The following RBPMS variants were observed in gnomAD, a reference collection of about 807,000 sequenced individuals.
The protein encoded by RBPMS is RNA binding protein, mRNA processing factor.
A neutral mutation model predicts 26.8 loss-of-function variants in RBPMS; 7 were observed. The ratio of observed to expected loss-of-function variants is 0.26; its 90% CI spans 0.15 to 0.49. The LOEUF is 0.49. RBPMS is among the 20% of genes least tolerant of loss of function. The pLI, the probability that RBPMS is intolerant of heterozygous loss-of-function variation, is 0.98. For missense variants in RBPMS, 186 were observed against 250.0 expected (o/e 0.74, Z 1.73); for synonymous variants, 96 against 93.3 (o/e 1.03, Z -0.17).
chr8:30,385,563 G>T (rs1035265846), intron 1 of RBPMS, among the ~76,000 whole-genome samples: 1 of 151,972 alleles, frequency 6.6e-6, no homozygotes, highest in Non-Finnish European at 1.5e-5. Context: ...AAACTCGGGG[G>T]AAAGTTCTCG....
At chr8:30,485,135 A>G (rs1243560924) in intron 4 of RBPMS, among the ~76,000 whole-genome samples, 1 of 152,236 alleles carries the variant, frequency 6.6e-6, no homozygotes, top group African/African-American at 2.4e-5. Context: ...CACTGGGTAC[A>G]TAGAAACATT....
chr8:30,504,518 A>G, intron 5 of RBPMS, 82 bp downstream of exon 5: 7 of 1,396,264 alleles, frequency 5.0e-6, no homozygotes, highest in Non-Finnish European at 6.9e-6. Context: ...ACCATGGGAC[A>G]TGGAGCTGGC....
At chr8:30,502,138 G>GC (rs892029139) in intron 4 of RBPMS, among the ~76,000 whole-genome samples, 2 of 61,016 alleles carry the variant, frequency 3.3e-5, no homozygotes, top group African/African-American at 8.0e-5. Context: ...TAACTTCTGA[G>GC]CTTTTTTTTT....
At position 30,450,474 on chromosome 8, in the gene RBPMS, A is replaced by T. The variant is rs530450036; in HGVS notation, c.67-24305A>T. Reference sequence around the variant, plus strand: ...GGACTTTGAGGAGGAGGTGGGAAGGATGTCATGGGAGGTCACTTCAGGTAG... The same window carrying T: ...GGACTTTGAGGAGGAGGTGGGAAGGTTGTCATGGGAGGTCACTTCAGGTAG... On this transcript the variant is annotated intron_variant, in intron 1 of 8. Transcript: ENST00000397323. Among the ~76,000 whole-genome samples the T allele has an allele frequency of 1.2e-4, 19 of 152,234 alleles. 2 individuals are homozygous for T. Among genetic ancestry groups the T allele is most frequent in the African/African-American group, 4.3e-4 (18 of 41,538 alleles).
chr8:30,458,180 CTG>C (rs1252064274), intron 1 of RBPMS, among the ~76,000 whole-genome samples: 1 of 152,148 alleles, frequency 6.6e-6, no homozygotes, highest in Non-Finnish European at 1.5e-5. Context: ...CTAAAAAAGT[CTG>C]TACATGTTCA....
chr8:30,451,765 C>A (rs1418483894), intron 1 of RBPMS, among the ~76,000 whole-genome samples: 6 of 152,140 alleles, frequency 3.9e-5, no homozygotes, highest in Non-Finnish European at 8.8e-5. Context: ...AGACATTTAG[C>A]CCATTTGTTT....
At chr8:30,563,860 G>A (rs533092289) in intron 7 of RBPMS, among the ~76,000 whole-genome samples, 20 of 152,266 alleles carry the variant, frequency 1.3e-4, no homozygotes, top group African/African-American at 4.8e-4. Context: ...ACCTGTCCAT[G>A]TCATGCTATC....
chr8:30,497,638 A>G (rs1820119480), intron 4 of RBPMS, among the ~76,000 whole-genome samples: 1 of 151,782 alleles, frequency 6.6e-6, no homozygotes, highest in African/African-American at 2.4e-5. Flanking sequence ...TTTGTTTGAG[A>G]TGGAGTCTTG....
intron 5 of RBPMS, among the ~76,000 whole-genome samples, chr8:30,509,895 A>G (rs1001596568): frequency 6.6e-6 from 1 of 152,202 alleles, no homozygotes; most frequent in African/African-American, 2.4e-5. Flanking sequence ...AAAAAAATAA[A>G]AGTCATTAAA....
intron 7 of RBPMS, among the ~76,000 whole-genome samples, chr8:30,560,678 C>T (rs1342802197): frequency 6.6e-6 from 1 of 152,166 alleles, no homozygotes; most frequent in Non-Finnish European, 1.5e-5. Flanking sequence ...AAACAAATTT[C>T]TTTACCCAAA....
intron 1 of RBPMS, among the ~76,000 whole-genome samples, chr8:30,439,750 C>G (rs912026949): frequency 1.3e-5 from 2 of 151,896 alleles, no homozygotes; most frequent in African/African-American, 4.9e-5. Flanking sequence ...TGACCTGGCT[C>G]AGGCAGTCCT....
intron 6 of RBPMS, chr8:30,549,635 G>A: frequency 7.0e-7 from 1 of 1,425,490 alleles, no homozygotes. Context: ...AGGAGGGGCG[G>A]ACGGGGAGGC....
chr8:30,439,579 C>T (rs1329781628), intron 1 of RBPMS, among the ~76,000 whole-genome samples: 2 of 152,084 alleles, frequency 1.3e-5, no homozygotes, highest in African/African-American at 4.8e-5. Context: ...AAACTTCTTT[C>T]TTAGAGTTTG....
chr8:30,567,494 T>C (rs1563461044), intron 8 of RBPMS, among the ~76,000 whole-genome samples: 1 of 152,224 alleles, frequency 6.6e-6, no homozygotes, highest in Admixed American at 6.5e-5. Context: ...GCTTTTCCTT[T>C]TGTCAAAGCT....
At chr8:30,449,369 C>CTTTTTTTTT (rs5890522) in intron 1 of RBPMS, among the ~76,000 whole-genome samples, 23 of 106,508 alleles carry the variant, frequency 2.2e-4, no homozygotes, top group African/African-American at 8.8e-4. Flanking sequence ...CACATCTCCT[C>CTTTTTTTTT]TTTTTTTTTT....
At chr8:30,544,395 C>T (rs934533295) in intron 5 of RBPMS, 99 bp from the exon 6 acceptor site, 15 of 1,193,612 alleles carry the variant, frequency 1.3e-5, no homozygotes, top group African/African-American at 4.5e-5. Context: ...ATTTGACTTC[C>T]GACAGTGATT....
intron 1 of RBPMS, among the ~76,000 whole-genome samples, chr8:30,435,009 C>T (rs1812307731): frequency 6.6e-6 from 1 of 150,712 alleles, no homozygotes; most frequent in South Asian, 2.1e-4. Flanking sequence ...TCCATCCATC[C>T]ATCCATCCAT....
chr8:30,500,720 G>A (rs1379534581), intron 4 of RBPMS, among the ~76,000 whole-genome samples: 1 of 152,108 alleles, frequency 6.6e-6, no homozygotes, highest in Non-Finnish European at 1.5e-5. Flanking sequence ...CCTTATAAGA[G>A]AAAACAGGTT....
chr8:30,533,267 A>T (rs968422482), intron 5 of RBPMS, among the ~76,000 whole-genome samples: 2 of 152,216 alleles, frequency 1.3e-5, no homozygotes, highest in African/African-American at 4.8e-5. Context: ...TTCAGTGGCA[A>T]CGTGGAACCT....
Sources: gnomAD v4.1 joint callset for allele counts (sites outside exome capture counted in the v4.1 genomes callset) on GRCh38, gnomAD v4.1.1 for gene constraint, MANE v1.5 for transcripts, NCBI Gene and HGNC (gene_info 2026-07-23, HGNC 2026-07-21) for gene names.